Variants in VPS16 observed in about 807,000 individuals in gnomAD.
VPS16 encodes the protein vacuolar protein sorting-associated protein 16 homolog.
VPS16 carries 82 observed loss-of-function variants against 116.0 expected under a neutral mutation model. The ratio of observed to expected loss-of-function variants is 0.71; its 90% CI spans 0.59 to 0.85. VPS16 has a LOEUF of 0.85. VPS16 is among the 40% of genes least tolerant of loss of function. The pLI, the probability that VPS16 is intolerant of heterozygous loss-of-function variation, is 0.00. For synonymous variants in VPS16, 406 were observed against 420.7 expected (o/e 0.96, Z 0.43); for missense variants, 928 against 1,090.6 (o/e 0.85, Z 2.10).
In VPS16 at chr20:2,862,597, G is replaced by A. The variant is rs139527921; in HGVS notation, c.1090G>A (p.Asp364Asn). Residue 364 changes from aspartate to asparagine, a missense_variant, in exon 12 of 24, where the codon GAC becomes AAC. Coordinates refer to ENST00000380445, the MANE Select transcript of VPS16 (RefSeq NM_022575.4). Reference sequence around the variant, plus strand: ...CCACCAGAAAGAGAGCCAGAAGGCGGACGAGTACCTGCGGGAGATCCAGGA... The same window carrying A: ...CCACCAGAAAGAGAGCCAGAAGGCGAACGAGTACCTGCGGGAGATCCAGGA... ...KEYEKESQKADEYLREIQELG... is the reference protein window; with the variant it reads ...KEYEKESQKANEYLREIQELG... 9 of 1,613,314 alleles carry A rather than the reference G, an allele frequency of 5.6e-6. No homozygotes were observed. Among genetic ancestry groups the A allele is most frequent in the Non-Finnish European group, 6.8e-6 (8 of 1,179,880 alleles).
rs757318692 is a variant in VPS16, at chr20:2,864,522, AC to A, written c.1819-24del. The A allele has an allele frequency of 1.2e-4, 189 of 1,614,072 alleles. 2 individuals carry two copies. In the Middle Eastern group the frequency reaches 2.1e-3, roughly 18 times the overall value. Reference sequence around the variant, plus strand: ...CTGAGCACTTGAGTTGGCCTTGCTGACTGATTGCCTGCCTGTGGCCCCAGTT... The same window carrying A: ...CTGAGCACTTGAGTTGGCCTTGCTGATGATTGCCTGCCTGTGGCCCCAGTT... On this transcript the variant is annotated intron_variant, in intron 18 of 23. Transcript: ENST00000380445. The surrounding 1 kb of genome is among the most constrained non-coding windows in gnomAD (Gnocchi z 5.2).
intron 1 of VPS16, among the ~76,000 whole-genome samples, chr20:2,853,200 G>A (rs1480950323): frequency 6.6e-6 from 1 of 152,108 alleles, no homozygotes; most frequent in African/African-American, 2.4e-5. Flanking sequence ...AAACCAGCCT[G>A]GCCAACATGG....
At chr20:2,861,134 G>C (rs759689816) in intron 7 of VPS16, 42 bp downstream of exon 7, 54 of 1,614,078 alleles carry the variant, frequency 3.3e-5, no homozygotes, top group Non-Finnish European at 4.3e-5. Flanking sequence ...GCCTTGTCCA[G>C]GGTACAAGAT....
At position 2,863,482 on chromosome 20, in the gene VPS16, G is replaced by C; in HGVS notation, c.1476+84G>C. 7.2e-7 allele frequency: 1 copy of C among 1,387,008 alleles called. No homozygotes were observed. Among genetic ancestry groups the C allele is most frequent in the South Asian group, 1.2e-5 (1 of 83,366 alleles). 85.9% of individuals were successfully genotyped at this position (1,387,008 alleles called of 1,614,324 possible). A position where few individuals can be genotyped will look rare whatever the true frequency, so the allele number is the denominator to read the frequency against. On this transcript the variant is annotated intron_variant, in intron 15 of 23. Transcript: ENST00000380445. This position sits in a 1 kb window ranked among gnomAD's most constrained non-coding sequence, Gnocchi z 4.4. ...GAGGAAATAGAAAGTGTAGAACTGC[G>C]CTGGGCACGGTGGCTCATGCCTGTA... is the stretch of plus-strand genomic sequence containing the variant.
intron 22 of VPS16, 64 bp from the exon 23 acceptor site, chr20:2,866,148 G>A (rs1005882416): frequency 3.0e-5 from 44 of 1,467,518 alleles, no homozygotes; most frequent in African/African-American, 1.1e-4. Flanking sequence ...GCCTCTGCTC[G>A]TAAGAGAGAG....
At chr20:2,848,280 G>A (rs6115694) in intron 1 of VPS16, among the ~76,000 whole-genome samples, 16,927 of 152,042 alleles carry the variant, frequency 0.11, 1,138 homozygotes, top group African/African-American at 0.16. Flanking sequence ...GTCTCACTCT[G>A]TCACTCAGGC....
chr20:2,852,030 A>G (rs2089127781), intron 1 of VPS16, among the ~76,000 whole-genome samples: 1 of 152,224 alleles, frequency 6.6e-6, no homozygotes, highest in Non-Finnish European at 1.5e-5. Context: ...ACTAGTGCAC[A>G]GGCAGGATGC....
intron 1 of VPS16, among the ~76,000 whole-genome samples, chr20:2,847,048 C>T (rs1031450096): frequency 6.6e-6 from 1 of 152,210 alleles, no homozygotes; most frequent in African/African-American, 2.4e-5. Context: ...AGCTGCTCTT[C>T]ACTCTGCCCA....
At chr20:2,862,414 G>A in intron 11 of VPS16, 165 bp from the exon 12 acceptor site, 4 of 1,377,782 alleles carry the variant, frequency 2.9e-6, no homozygotes, top group Non-Finnish European at 3.9e-6. Flanking sequence ...ACGAGATGAT[G>A]TCTGTGGGCA....
At position 2,864,739 on chromosome 20, in the gene VPS16, G is replaced by A. The variant is rs2089299356; in HGVS notation, c.1926+85G>A. On this transcript the variant is annotated intron_variant, in intron 19 of 23. Coordinates refer to ENST00000380445, the MANE Select transcript of VPS16 (RefSeq NM_022575.4). The surrounding 1 kb of genome is among the most constrained non-coding windows in gnomAD (Gnocchi z 5.2). ...GGTTCCTTCAGGAATCTAGGCCTTCGTGTTGGGTGCACACTCCATCTGGTC... is the reference window on the plus strand; with the variant it reads ...GGTTCCTTCAGGAATCTAGGCCTTCATGTTGGGTGCACACTCCATCTGGTC... 2.7e-5 allele frequency: 38 copies of A among 1,413,034 alleles called. No individual in the cohort carries two copies. The highest frequency in any genetic ancestry group is 2.5e-4 in the South Asian group (21 of 84,456). 87.5% of individuals were successfully genotyped at this position (1,413,034 alleles called of 1,614,324 possible). A position where few individuals can be genotyped will look rare whatever the true frequency, so the allele number is the denominator to read the frequency against.
In VPS16 at chr20:2,866,281, C is replaced by G. The variant is rs147979599; in HGVS notation, c.2341C>G (p.Pro781Ala). The part of the protein sequence containing the change: ...EAKKYASRVG[P>A]EQKVKALLLV... ...CAAGAAGTATGCTTCCCGCGTGGGT[C>G]CCGAGCAGAAGGTCAAGGCTTTGCT... The change falls in exon 23 of 24, where the codon CCC (proline) becomes GCC (alanine). Residue 781 changes from proline to alanine, a missense_variant. Physicochemically the swap from Pro to Ala is conservative, Grantham distance 27 (BLOSUM62 -1). Transcript: ENST00000380445. 3.7e-6 allele frequency: 6 copies of G among 1,614,092 alleles called. No homozygotes were observed. Among genetic ancestry groups the G allele is most frequent in the Middle Eastern group, 3.3e-4 (2 of 6,062 alleles).
In VPS16 at chr20:2,863,741, G is replaced by A. The variant is rs1311268052; in HGVS notation, c.1477-208G>A. On this transcript the variant is annotated intron_variant, in intron 15 of 23. Transcript: ENST00000380445. This position sits in a 1 kb window ranked among gnomAD's most constrained non-coding sequence, Gnocchi z 4.4. The stretch of plus-strand genomic sequence containing the variant: ...TGCACTGCTGCACTCCAGCCTGGGC[G>A]ACAGAGCAAGACTCTGTCTCAAAAA... 2.6e-5 allele frequency among the ~76,000 whole-genome samples: 4 copies of A among 152,000 alleles called. No individual in the cohort carries two copies. The highest frequency in any genetic ancestry group is 2.1e-4 in the South Asian group (1 of 4,818).
chr20:2,861,595 T>C lies in VPS16; in HGVS notation c.810-20T>C. On this transcript the variant is annotated intron_variant, in intron 8 of 23. Transcript: ENST00000380445. Reference sequence around the variant, plus strand: ...TGGCCATGGGACAGTGTCTAGCCAGTGTGTATATGCTGCTCACAGGTGCAG... The same window carrying C: ...TGGCCATGGGACAGTGTCTAGCCAGCGTGTATATGCTGCTCACAGGTGCAG... The C allele has an allele frequency of 1.3e-6, 2 of 1,598,404 alleles. No individual in the cohort carries two copies. Among genetic ancestry groups the C allele is most frequent in the South Asian group, 2.3e-5 (2 of 88,662 alleles).
chr20:2,860,538 C>G lies in VPS16; in HGVS notation c.459C>G (p.Phe153Leu), dbSNP rs779649467. Reference protein sequence around the residue: ...GVAILTGAHRFTLSANVGDLK... With the variant: ...GVAILTGAHRLTLSANVGDLK... ...CCATCCTCACAGGGGCCCACCGCTTCACCCTCAGTGCCAATGTGGGTGACC... is the reference window on the plus strand; with the variant it reads ...CCATCCTCACAGGGGCCCACCGCTTGACCCTCAGTGCCAATGTGGGTGACC... Residue 153 changes from phenylalanine (F) to leucine (L), a missense_variant, in exon 5 of 24, where the codon TTC becomes TTG. Coordinates refer to ENST00000380445, the MANE Select transcript of VPS16 (RefSeq NM_022575.4). This position sits in a 1 kb window ranked among gnomAD's most constrained non-coding sequence, Gnocchi z 6.1. The G allele has an allele frequency of 2.5e-6, 4 of 1,614,028 alleles. No individual in the cohort carries two copies. The South Asian group carries it at 4.4e-5, about 18-fold the overall frequency.
chr20:2,842,969 CATTT>C (rs1409602237), intron 1 of VPS16, among the ~76,000 whole-genome samples: 4 of 119,458 alleles, frequency 3.3e-5, no homozygotes, highest in East Asian at 2.4e-4. Context: ...AAATAGAAGA[CATTT>C]GTTTGTGCTA....
chr20:2,851,261 C>T (rs1024839960), intron 1 of VPS16, among the ~76,000 whole-genome samples: 5 of 152,102 alleles, frequency 3.3e-5, no homozygotes, highest in South Asian at 2.1e-4. Flanking sequence ...GTTAGGTGGA[C>T]GGTGTGAATG....
At chr20:2,862,174 T>G (rs777462546) in intron 11 of VPS16, 44 bp downstream of exon 11, 1 of 1,587,700 alleles carries the variant, frequency 6.3e-7, no homozygotes, top group Non-Finnish European at 8.6e-7. Flanking sequence ...TGGTTCCTCC[T>G]GCCCCTGCGT....
At chr20:2,843,196 G>T (rs1292467504) in intron 1 of VPS16, among the ~76,000 whole-genome samples, 1 of 152,032 alleles carries the variant, frequency 6.6e-6, no homozygotes, top group Non-Finnish European at 1.5e-5. Flanking sequence ...CACTTTGGGA[G>T]GCTGAGGCAG....
intron 1 of VPS16, among the ~76,000 whole-genome samples, chr20:2,847,481 AT>A (rs5839972): frequency 0.53 from 68,397 of 128,536 alleles, 18,904 homozygotes; most frequent in African/African-American, 0.78. Flanking sequence ...CGCCCCCTCT[AT>A]TTTTTTTTTT....
Sources: gnomAD v4.1 joint callset for allele counts (sites outside exome capture counted in the v4.1 genomes callset) on GRCh38, gnomAD v4.1.1 for gene constraint, Gnocchi (gnomAD v3.1) non-coding constraint, MANE v1.5 for transcripts, NCBI Gene and HGNC (gene_info 2026-07-23, HGNC 2026-07-21) for gene names.